Variants in DMD observed in about 807,000 individuals in gnomAD.
The protein encoded by DMD is mutant dystrophin.
A neutral mutation model predicts 330.1 loss-of-function variants in DMD; 63 were observed. The observed-to-expected ratio is 0.19, with a 90% CI of 0.16 to 0.24. The LOEUF is 0.24. DMD is among the 10% of genes least tolerant of loss of function. DMD has a pLI of 1.00. For missense variants in DMD, 3,344 were observed against 2,684.1 expected, an observed-to-expected ratio of 1.25 and a Z score of -5.43; for synonymous variants, 1,223 against 959.8, an observed-to-expected ratio of 1.27 and a Z score of -5.07.
intron 23 of DMD, among the ~76,000 whole-genome samples, chrX:32,464,964 A>T (rs186547310): frequency 8.0e-5 from 9 of 112,181 alleles, no homozygotes; most frequent in African/African-American, 2.9e-4. Context: ...CGAGAACATT[A>T]AATCATATCC....
At chrX:31,272,962 AAG>A (rs1340149324) in intron 62 of DMD, among the ~76,000 whole-genome samples, 2 of 112,307 alleles carry the variant, frequency 1.8e-5, no homozygotes, top group Non-Finnish European at 3.8e-5. Context: ...AGTCTACTAC[AAG>A]AGAGAATTAA....
At chrX:32,593,416 A>G (rs904201691) in intron 13 of DMD, among the ~76,000 whole-genome samples, 1 of 111,883 alleles carries the variant, frequency 8.9e-6, no homozygotes, top group African/African-American at 3.2e-5. Context: ...ATACTTTATT[A>G]ATGTCTATTT....
In DMD at chrX:31,120,798, C is replaced by CTGATTGATTT. The variant is rs2032292498; in HGVS notation, c.*1111_*1120dup. Reference sequence around the variant, plus strand: ...GATGTTCACAAGGTCAGAATACCTTCTGATTGATTTCCACTGAAGCATCAT... The same window carrying CTGATTGATTT: ...GATGTTCACAAGGTCAGAATACCTTCTGATTGATTTTGATTGATTTCCACTGAAGCATCAT... On this transcript the variant is annotated 3_prime_UTR_variant, in exon 79 of 79. Coordinates refer to ENST00000357033, the MANE Select transcript of DMD (RefSeq NM_004006.3). 1 of 110,607 alleles carries CTGATTGATTT rather than the reference C, an allele frequency of 9.0e-6. No individual in the cohort carries two copies. The highest frequency in any genetic ancestry group is 3.3e-5 in the African/African-American group (1 of 30,331). The allele number at this position is 110,607 out of a possible 1,213,427, so 9.1% of individuals were successfully genotyped here.
chrX:31,749,395 T>C lies in DMD; in HGVS notation c.7543-19647A>G, dbSNP rs1454658449. Among the ~76,000 whole-genome samples the C allele has an allele frequency of 3.0e-5, 3 of 101,378 alleles. No individual in the cohort carries two copies. In the Admixed American group the frequency reaches 3.3e-4, roughly 11 times the overall value. The allele number at this position is 101,378 out of a possible 115,157, so 88.0% of individuals were successfully genotyped here. On this transcript the variant is annotated intron_variant, in intron 51 of 78. Coordinates refer to ENST00000357033, the MANE Select transcript of DMD (RefSeq NM_004006.3). ...ACCTATGAATGAGAATATGCGGTGT[T>C]TGGTTTTTTGTTCTTGCAATAGTTT... is the stretch of plus-strand genomic sequence containing the variant.
intron 60 of DMD, among the ~76,000 whole-genome samples, chrX:31,371,772 A>G (rs1257261217): frequency 1.8e-5 from 2 of 111,890 alleles, no homozygotes; most frequent in Admixed American, 1.9e-4. Flanking sequence ...AGACAGAAAG[A>G]ATATTGATAA....
At chrX:32,394,916 CAAAAA>C (rs72234458) in intron 30 of DMD, among the ~76,000 whole-genome samples, 2 of 39,034 alleles carry the variant, frequency 5.1e-5, no homozygotes, top group African/African-American at 1.6e-4. Flanking sequence ...AACAAAAAAA[CAAAAA>C]AAAAAAAAAA....
chrX:31,959,357 A>G (rs192909007), intron 45 of DMD, among the ~76,000 whole-genome samples: 2 of 111,879 alleles, frequency 1.8e-5, no homozygotes, highest in Admixed American at 1.9e-4. Context: ...CAGCCTTCCT[A>G]CATATAAAAG....
intron 45 of DMD, among the ~76,000 whole-genome samples, chrX:31,936,997 T>C (rs187255275): frequency 9.0e-6 from 1 of 111,322 alleles, no homozygotes; most frequent in Non-Finnish European, 1.9e-5. Flanking sequence ...TTAAAATATG[T>C]TTAATTTCTG....
chrX:31,579,343 AAAG>A (rs1446988576), intron 55 of DMD, among the ~76,000 whole-genome samples: 2 of 112,486 alleles, frequency 1.8e-5, no homozygotes, highest in Non-Finnish European at 3.8e-5. Context: ...ATAAAAGTGC[AAAG>A]AGTTCGCTAG....
chrX:31,471,812 A>G (rs1412454158), intron 59 of DMD, among the ~76,000 whole-genome samples: 2 of 112,150 alleles, frequency 1.8e-5, no homozygotes, highest in Non-Finnish European at 3.8e-5. Flanking sequence ...CAGTACATAA[A>G]CATTCTATTA....
intron 43 of DMD, among the ~76,000 whole-genome samples, chrX:32,271,105 A>G (rs558077279): frequency 8.9e-6 from 1 of 112,018 alleles, no homozygotes; most frequent in South Asian, 3.7e-4. Context: ...ATTCCTTCAA[A>G]ACAAAGGACA....
At position 32,217,178 on chromosome X, in the gene DMD, C is replaced by T. The variant is rs3747400; in HGVS notation, c.6291-115G>A. 183,398 of 729,840 alleles carry T rather than the reference C, an allele frequency of 0.25. 17,455 individuals are homozygous for T. The highest frequency in any genetic ancestry group is 0.44 in the East Asian group (12,453 of 28,450). 60.1% of individuals were successfully genotyped at this position (729,840 alleles called of 1,213,427 possible). ...ACAAAGATATCACTCTGATAGTTTCCTGCATTTGCAGAGTTTAGTTTCAAG... is the reference window on the plus strand; with the variant it reads ...ACAAAGATATCACTCTGATAGTTTCTTGCATTTGCAGAGTTTAGTTTCAAG... On this transcript the variant is annotated intron_variant, in intron 43 of 78. Coordinates refer to ENST00000357033, the MANE Select transcript of DMD (RefSeq NM_004006.3).
chrX:31,666,777 A>C (rs1444483758), intron 53 of DMD, among the ~76,000 whole-genome samples: 1 of 111,891 alleles, frequency 8.9e-6, no homozygotes, highest in African/African-American at 3.2e-5. Flanking sequence ...AAAAGAAAAT[A>C]GCTCCCTATC....
intron 1 of DMD, among the ~76,000 whole-genome samples, chrX:33,221,453 G>A (rs1350496124): frequency 9.0e-6 from 1 of 110,953 alleles, no homozygotes; most frequent in South Asian, 3.8e-4. Context: ...GCTCCCAAAC[G>A]CATACACTAG....
intron 1 of DMD, among the ~76,000 whole-genome samples, chrX:33,207,484 A>G (rs898443286): frequency 1.8e-5 from 2 of 111,518 alleles, no homozygotes; most frequent in African/African-American, 6.5e-5. Flanking sequence ...TTACTCTCCC[A>G]TTCGAAGGGG....
chrX:32,105,831 T>G (rs1008616172), intron 44 of DMD, among the ~76,000 whole-genome samples: 2 of 112,009 alleles, frequency 1.8e-5, no homozygotes, highest in Non-Finnish European at 3.8e-5. Flanking sequence ...TGAATAGTAT[T>G]TTTGTGGAAG....
chrX:32,873,076 C>T (rs746994404), intron 2 of DMD, among the ~76,000 whole-genome samples: 33 of 111,283 alleles, frequency 3.0e-4, no homozygotes, highest in Non-Finnish European at 5.8e-4. Context: ...TACCCAGCCT[C>T]CGATTCTTTT....
At chrX:33,164,132 G>T (rs1280680587) in intron 1 of DMD, among the ~76,000 whole-genome samples, 2 of 111,455 alleles carry the variant, frequency 1.8e-5, no homozygotes, top group Non-Finnish European at 3.8e-5. Flanking sequence ...TGCCCATAAA[G>T]GTTGTTTAAT....
At position 32,252,835 on chromosome X, in the gene DMD, T is replaced by TATATATAAATATATAAATATATATAA. The variant is rs1569553725; in HGVS notation, c.6290+34668_6290+34693dup. Among the ~76,000 whole-genome samples the TATATATAAATATATAAATATATATAA allele has an allele frequency of 2.7e-4, 15 of 56,089 alleles. 1 individual carries two copies. Among genetic ancestry groups the TATATATAAATATATAAATATATATAA allele is most frequent in the African/African-American group, 1.2e-3 (15 of 12,110 alleles). 48.7% of individuals were successfully genotyped at this position (56,089 alleles called of 115,157 possible). A position where few individuals can be genotyped will look rare whatever the true frequency, so the allele number is the denominator to read the frequency against. ...ATATAAGTATATAAATATATATAAA[T>TATATATAAATATATAAATATATATAA]ATATATAAATATATAAATATATATA... is the stretch of plus-strand genomic sequence containing the variant. On this transcript the variant is annotated intron_variant, in intron 43 of 78. Transcript: ENST00000357033.
Sources: gnomAD v4.1 joint callset for allele counts (sites outside exome capture counted in the v4.1 genomes callset) on GRCh38, gnomAD v4.1.1 for gene constraint, MANE v1.5 for transcripts, NCBI Gene and HGNC (gene_info 2026-07-23, HGNC 2026-07-21) for gene names.